The following RPS6KA2 variants were observed in gnomAD, a reference collection of about 807,000 sequenced individuals.
RPS6KA2 encodes ribosomal protein S6 kinase A2.
A neutral mutation model predicts 91.8 loss-of-function variants in RPS6KA2; 42 were observed. The ratio of observed to expected loss-of-function variants is 0.46; its 90% confidence interval spans 0.36 to 0.59. The LOEUF (loss-of-function observed/expected upper bound fraction) is 0.59. RPS6KA2 is among the 20% of genes least tolerant of loss of function. RPS6KA2 has a pLI of 0.00. For missense variants in RPS6KA2, 798 were observed against 978.5 expected (o/e 0.82, Z 2.46); for synonymous variants, 414 against 393.6 (o/e 1.05, Z -0.61).
At chr6:166,567,506 A>T (rs1391893431) in intron 1 of RPS6KA2, among the ~76,000 whole-genome samples, 2 of 152,236 alleles carry the variant, frequency 1.3e-5, no homozygotes, top group Non-Finnish European at 2.9e-5. Flanking sequence ...AATTTAACAT[A>T]AGAAGTAGAC....
At chr6:166,424,070 C>G (rs537145739) in intron 16 of RPS6KA2, 15 of 152,324 alleles carry the variant, frequency 9.8e-5, no homozygotes, top group African/African-American at 3.6e-4. Context: ...ATTGTGAGGA[C>G]GTGTGGCGTG....
At chr6:166,670,277 A>G (rs1339012649) in intron 2 of RPS6KA2, among the ~76,000 whole-genome samples, 1 of 152,228 alleles carries the variant, frequency 6.6e-6, no homozygotes, top group Non-Finnish European at 1.5e-5. Flanking sequence ...GTGAGGCTGT[A>G]AGCCCTGCAA....
chr6:166,820,842 A>T (rs16899540), intron 2 of RPS6KA2, among the ~76,000 whole-genome samples: 6,302 of 152,300 alleles, frequency 0.041, 550 homozygotes, highest in East Asian at 0.39. Flanking sequence ...TAATGACCTC[A>T]ATTATTTTGT....
rs1583302794 is a variant in RPS6KA2 at position 166,586,138 on chromosome 6, G to A, written c.99+40783C>T. The A allele has an allele frequency of 2.0e-6, 3 of 1,517,634 alleles. No homozygotes were observed. In the East Asian group the frequency reaches 6.9e-5, roughly 35 times the overall value. 94.0% of individuals were successfully genotyped at this position (1,517,634 alleles called of 1,614,324 possible). A position where few individuals can be genotyped will look rare whatever the true frequency, so the allele number is the denominator to read the frequency against. ...CATTTCTATCAGTAGTAACCGTAAG[G>A]AGGCCGCTGGTTGTAACCATAATGT... On this transcript the variant is annotated intron_variant, in intron 1 of 20. Coordinates refer to ENST00000265678, the MANE Select transcript of RPS6KA2 (RefSeq NM_021135.6).
chr6:166,451,558 C>G (rs1043291198), intron 12 of RPS6KA2, among the ~76,000 whole-genome samples: 2 of 152,114 alleles, frequency 1.3e-5, no homozygotes, highest in Non-Finnish European at 2.9e-5. Flanking sequence ...TATTCTTGAC[C>G]ACACTCCTCC....
intron 2 of RPS6KA2, among the ~76,000 whole-genome samples, chr6:166,715,974 G>T (rs1026188031): frequency 2.4e-4 from 36 of 149,976 alleles, no homozygotes. Flanking sequence ...GGAGGTGGAG[G>T]TTGCAGTGAG....
intron 16 of RPS6KA2, among the ~76,000 whole-genome samples, chr6:166,424,399 G>T (rs1036902112): frequency 6.6e-6 from 1 of 152,218 alleles, no homozygotes; most frequent in Non-Finnish European, 1.5e-5. Context: ...GAATATTCCC[G>T]TTTGGAGATG....
chr6:166,845,404 A>G (rs1407873223), intron 2 of RPS6KA2, among the ~76,000 whole-genome samples: 1 of 152,196 alleles, frequency 6.6e-6, no homozygotes, highest in East Asian at 1.9e-4. Context: ...CAACTGCAGA[A>G]TATACACTCT....
intron 1 of RPS6KA2, among the ~76,000 whole-genome samples, chr6:166,567,947 A>G (rs1056872314): frequency 2.6e-5 from 4 of 152,160 alleles, no homozygotes; most frequent in Non-Finnish European, 4.4e-5. Context: ...GCACACCACC[A>G]AAGTCCAAGG....
rs1787737360 is a variant in RPS6KA2 at position 166,648,317 on chromosome 6, A to G, written c.124-109533T>C. Among the ~76,000 whole-genome samples, 1 of 151,710 alleles carries G rather than the reference A, an allele frequency of 6.6e-6. No individual in the cohort carries two copies. Among genetic ancestry groups the G allele is most frequent in the Non-Finnish European group, 1.5e-5 (1 of 67,830 alleles). ...CACACACACGCATGTATACACATGC[A>G]CACACACATACATGCACACGCTTCT... On this transcript the variant is annotated intron_variant, in intron 2 of 21. Transcript: ENST00000503859. The surrounding 1 kb of genome is among the most constrained non-coding windows in gnomAD (Gnocchi z 4.8).
chr6:166,474,566 T>C (rs1292806137), intron 10 of RPS6KA2, among the ~76,000 whole-genome samples: 8 of 152,026 alleles, frequency 5.3e-5, no homozygotes, highest in Non-Finnish European at 1.2e-4. Flanking sequence ...AAAAGGAAGA[T>C]TTGGAGGTAG....
At chr6:166,718,387 G>A (rs980073017) in intron 2 of RPS6KA2, among the ~76,000 whole-genome samples, 1 of 152,092 alleles carries the variant, frequency 6.6e-6, no homozygotes, top group Non-Finnish European at 1.5e-5. Flanking sequence ...AGTTTCCAAG[G>A]CACCCCTAAA....
At chr6:166,617,845 C>T (rs1786475216) in intron 1 of RPS6KA2, among the ~76,000 whole-genome samples, 2 of 152,372 alleles carry the variant, frequency 1.3e-5, no homozygotes, top group African/African-American at 2.4e-5. Context: ...GCCGAGCAAA[C>T]GCCAAGTCCA....
intron 2 of RPS6KA2, among the ~76,000 whole-genome samples, chr6:166,828,485 G>T (rs1468474543): frequency 6.6e-6 from 1 of 152,210 alleles, no homozygotes; most frequent in Admixed American, 6.5e-5. Flanking sequence ...TTCTAGGGTA[G>T]AAGTAGAGCA....
At chr6:166,527,293 T>TA (rs1367710595) in intron 3 of RPS6KA2, among the ~76,000 whole-genome samples, 2 of 152,134 alleles carry the variant, frequency 1.3e-5, no homozygotes, top group African/African-American at 4.8e-5. Context: ...AAGGAACCGT[T>TA]ACGCTTGAAG....
chr6:166,829,439 AAAT>A (rs1780123678), intron 2 of RPS6KA2, among the ~76,000 whole-genome samples: 1 of 151,906 alleles, frequency 6.6e-6, no homozygotes, highest in Non-Finnish European at 1.5e-5. Flanking sequence ...AATATACAAA[AAAT>A]TAGCCGGGTA....
intron 1 of RPS6KA2, among the ~76,000 whole-genome samples, chr6:166,598,164 C>T (rs756919608): frequency 1.1e-4 from 16 of 152,242 alleles, no homozygotes; most frequent in African/African-American, 2.9e-4. Context: ...CAGGAGAGAG[C>T]GGGGAGAAAG....
At chr6:166,759,687 G>A (rs1439419859) in intron 2 of RPS6KA2, among the ~76,000 whole-genome samples, 1 of 152,138 alleles carries the variant, frequency 6.6e-6, no homozygotes, top group East Asian at 1.9e-4. Context: ...TGAAAATGCT[G>A]GATCTTAAAA....
rs762107010 is a variant in RPS6KA2 at position 166,498,511 on chromosome 6, G to A, written c.744C>T (p.Leu248=). Residue 248 remains leucine (L), a synonymous_variant, in exon 8 of 21, where the codon CTC becomes CTT. Transcript: ENST00000265678. ...QSADWWSFGV[L]MFEMLTGSLP... ...AAGAGGGTCGGGGCAGGCTCACCAT[G>A]AGCACGCCGAAGGACCACCAGTCGG... 2 of 1,608,848 alleles carry A rather than the reference G, an allele frequency of 1.2e-6. No homozygotes were observed. Among genetic ancestry groups the A allele is most frequent in the Non-Finnish European group, 8.5e-7 (1 of 1,178,474 alleles).
Sources: gnomAD v4.1 joint callset for allele counts (sites outside exome capture counted in the v4.1 genomes callset) on GRCh38, gnomAD v4.1.1 for gene constraint, Gnocchi (gnomAD v3.1) non-coding constraint, MANE v1.5 for transcripts, NCBI Gene and HGNC (gene_info 2026-07-23, HGNC 2026-07-21) for gene names.